Variants in CLEC2D observed in about 807,000 individuals in gnomAD.
CLEC2D encodes C-type lectin related f.
Under a neutral mutation model 20.0 loss-of-function variants are expected in CLEC2D, and 16 were observed. The observed-to-expected ratio is 0.80, with a 90% confidence interval of 0.54 to 1.22. CLEC2D has a LOEUF of 1.22. CLEC2D is among the 50% of genes most tolerant of loss of function. The probability of loss-of-function intolerance (pLI) is 0.00; values close to 1 mark genes in which losing one functional copy is unlikely to be tolerated. For synonymous variants in CLEC2D, 77 were observed against 71.1 expected, an observed-to-expected ratio of 1.08 and a Z score of -0.42; for missense variants, 207 against 221.5, an observed-to-expected ratio of 0.93 and a Z score of 0.42.
chr12:9,687,458 CCTG>C (rs1173760218), intron 2 of CLEC2D, among the ~76,000 whole-genome samples: 1 of 152,220 alleles, frequency 6.6e-6, no homozygotes, highest in Non-Finnish European at 1.5e-5. Context: ...CTGCTTACCT[CCTG>C]CTGTGCAGCC....
At chr12:9,690,109 A>G (rs781587409) in intron 3 of CLEC2D, among the ~76,000 whole-genome samples, 1 of 152,226 alleles carries the variant, frequency 6.6e-6, no homozygotes, top group Non-Finnish European at 1.5e-5. Flanking sequence ...GAAAGCAGCC[A>G]GAATGAAGCA....
At chr12:9,692,711 T>TA (rs1338721446) in intron 3 of CLEC2D, 117 bp from the exon 4 acceptor site, 2 of 643,316 alleles carry the variant, frequency 3.1e-6, no homozygotes, top group African/African-American at 3.7e-5. Context: ...TACTAAACAA[T>TA]ACAAAATCAA....
chr12:9,690,301 T>C (rs745528075), intron 3 of CLEC2D, among the ~76,000 whole-genome samples: 1 of 152,190 alleles, frequency 6.6e-6, no homozygotes, highest in African/African-American at 2.4e-5. Context: ...GTAACACATT[T>C]TCAGATAACC....
intron 1 of CLEC2D, among the ~76,000 whole-genome samples, chr12:9,671,502 G>C (rs1865424878): frequency 6.6e-6 from 1 of 152,162 alleles, no homozygotes. Flanking sequence ...TTACAGGCGT[G>C]AGCCACCGCG....
chr12:9,690,761 C>T (rs1355775606), intron 3 of CLEC2D, among the ~76,000 whole-genome samples: 2 of 151,046 alleles, frequency 1.3e-5, no homozygotes, highest in African/African-American at 2.4e-5. Context: ...CAAAATTATG[C>T]AGAAAAGGAA....
intron 1 of CLEC2D, among the ~76,000 whole-genome samples, chr12:9,672,688 T>C (rs1865448438): frequency 1.3e-5 from 2 of 152,210 alleles, no homozygotes; most frequent in East Asian, 1.9e-4. Context: ...CCTGTCTCTT[T>C]CAGGTACTCC....
In CLEC2D at chr12:9,670,095, A is replaced by G. The variant is rs147248734; in HGVS notation, c.61+300A>G. On this transcript the variant is annotated intron_variant, in intron 1 of 4. Transcript: ENST00000290855. ...AAAAAAAAATCTATACAAACTCTAA[A>G]GTGTTACTCAGATACAAGATACCAT... Among the ~76,000 whole-genome samples, 487 of 152,334 alleles carry G rather than the reference A, an allele frequency of 3.2e-3. 5 individuals carry two copies. Among genetic ancestry groups the G allele is most frequent in the African/African-American group, 0.011 (464 of 41,572 alleles).
At chr12:9,675,463 G>A (rs1198182205) in intron 1 of CLEC2D, among the ~76,000 whole-genome samples, 1 of 152,142 alleles carries the variant, frequency 6.6e-6, no homozygotes, top group Non-Finnish European at 1.5e-5. Context: ...CAAAGTGCTA[G>A]GATTACAGGC....
intron 2 of CLEC2D, among the ~76,000 whole-genome samples, chr12:9,682,330 A>T (rs56324200): frequency 0.022 from 3,353 of 152,266 alleles, 99 homozygotes; most frequent in Non-Finnish European, 0.026. Flanking sequence ...AGTTATAAAA[A>T]TTCCTAATAG....
In CLEC2D at chr12:9,688,092, A is replaced by G. The variant is rs778451620; in HGVS notation, c.357+6A>G. ...TTGAAAGCTTCCAGGAACTGGTAAG[A>G]AAATAGTTCTGGCCAGAATCAAAGA... On this transcript the variant is annotated splice_donor_region_variant and intron_variant, in intron 3 of 4. Transcript: ENST00000290855. The G allele has an allele frequency of 3.9e-5, 62 of 1,573,720 alleles. No individual in the cohort carries two copies. The South Asian group carries it at 6.2e-4, about 16-fold the overall frequency.
At chr12:9,694,405 GA>G (rs2120986619) in intron 4 of CLEC2D, among the ~76,000 whole-genome samples, 1 of 152,286 alleles carries the variant, frequency 6.6e-6, no homozygotes, top group East Asian at 1.9e-4. Context: ...ATGGTTTTTA[GA>G]AATAGCTGCT....
intron 3 of CLEC2D, among the ~76,000 whole-genome samples, chr12:9,689,645 CAATATA>C (rs1865822967): frequency 6.6e-6 from 1 of 151,920 alleles, no homozygotes; most frequent in Non-Finnish European, 1.5e-5. Flanking sequence ...ATTAGAATAT[CAATATA>C]AAGGTAGAAA....
At chr12:9,679,115 A>C (rs1865582106) in intron 1 of CLEC2D, among the ~76,000 whole-genome samples, 1 of 152,184 alleles carries the variant, frequency 6.6e-6, no homozygotes, top group African/African-American at 2.4e-5. Context: ...ACATGTAAGA[A>C]TACATAAGCA....
At chr12:9,676,909 T>A (rs1865528995) in intron 1 of CLEC2D, among the ~76,000 whole-genome samples, 1 of 152,160 alleles carries the variant, frequency 6.6e-6, no homozygotes, top group Non-Finnish European at 1.5e-5. Flanking sequence ...AAGTGATTGA[T>A]CCTCTGTGTG....
intron 3 of CLEC2D, among the ~76,000 whole-genome samples, chr12:9,692,527 A>C (rs1865890659): frequency 6.6e-6 from 1 of 152,208 alleles, no homozygotes; most frequent in South Asian, 2.1e-4. Context: ...CATACATTCC[A>C]AACTTGATAA....
At chr12:9,691,645 T>C (rs1490276961) in intron 3 of CLEC2D, among the ~76,000 whole-genome samples, 3 of 152,160 alleles carry the variant, frequency 2.0e-5, no homozygotes, top group Non-Finnish European at 4.4e-5. Flanking sequence ...AAAAACCCGC[T>C]CTTCAACAGC....
intron 1 of CLEC2D, among the ~76,000 whole-genome samples, chr12:9,674,518 C>G (rs554640887): frequency 3.9e-5 from 6 of 152,204 alleles, no homozygotes; most frequent in Non-Finnish European, 8.8e-5. Context: ...AGCTTCAGAC[C>G]AGAGCTGTTT....
At chr12:9,670,454 G>A (rs1274982903) in intron 1 of CLEC2D, among the ~76,000 whole-genome samples, 1 of 152,154 alleles carries the variant, frequency 6.6e-6, no homozygotes, top group Admixed American at 6.5e-5. Context: ...AGAAAAAGAT[G>A]AACTCTAAAT....
rs770531896 is a variant in CLEC2D at position 9,688,041 on chromosome 12, C to A, written c.312C>A (p.Asp104Glu). The A allele has an allele frequency of 6.2e-7, 1 of 1,612,538 alleles. No homozygotes were observed. The highest frequency in any genetic ancestry group is 1.3e-5 in the African/African-American group (1 of 74,862). The change falls in exon 3 of 5, where the codon GAC (aspartate) becomes GAA (glutamate). Residue 104 changes from aspartate to glutamate, a missense_variant. Asp to Glu is a conservative substitution (Grantham distance 45). Transcript: ENST00000290855. The stretch of plus-strand genomic sequence containing the variant: ...GGACATCAAGTCAGAGGTTTTGTGA[C>A]TCACAAGATGCTGATCTTGCTCAGG... ...KNWTSSQRFC[D>E]SQDADLAQVE...
Sources: allele counts gnomAD v4.1 joint callset (sites outside exome capture counted in the v4.1 genomes callset), GRCh38; gene constraint gnomAD v4.1.1; transcripts MANE v1.5; gene names NCBI Gene and HGNC (gene_info 2026-07-23, HGNC 2026-07-21).